CHCHD6: variants seen among roughly 807,000 people sequenced by gnomAD.
The protein encoded by CHCHD6 is coiled-coil-helix-coiled-coil-helix domain containing 6, also known as MICOS complex subunit MIC25.
In CHCHD6, 28 loss-of-function variants were observed where a neutral mutation model predicts 32.3. The ratio of observed to expected loss-of-function variants is 0.87; its 90% CI spans 0.64 to 1.19. The LOEUF (loss-of-function observed/expected upper bound fraction) is 1.19. Ranked by LOEUF, CHCHD6 falls within the 50% of genes most tolerant of loss-of-function variation. The probability of loss-of-function intolerance (pLI) is 0.00; values close to 1 mark genes in which losing one functional copy is unlikely to be tolerated. For synonymous variants in CHCHD6, 122 were observed against 117.5 expected, an observed-to-expected ratio of 1.04 and a Z score of -0.25; for missense variants, 333 against 307.0, an observed-to-expected ratio of 1.08 and a Z score of -0.63.
intron 6 of CHCHD6, among the ~76,000 whole-genome samples, chr3:126,927,814 T>A (rs1055981534): frequency 2.0e-5 from 3 of 152,240 alleles, no homozygotes; most frequent in Non-Finnish European, 2.9e-5. Flanking sequence ...CTTAGCATCA[T>A]TGCTGTTAGA....
intron 1 of CHCHD6, among the ~76,000 whole-genome samples, chr3:126,723,783 A>G (rs931136124): frequency 1.3e-5 from 2 of 151,972 alleles, no homozygotes; most frequent in African/African-American, 4.8e-5. Context: ...CTCTGTGTAC[A>G]TGGGGGAGTA....
intron 5 of CHCHD6, among the ~76,000 whole-genome samples, chr3:126,872,041 G>A (rs1225762398): frequency 6.6e-6 from 1 of 152,112 alleles, no homozygotes; most frequent in Non-Finnish European, 1.5e-5. Flanking sequence ...TCTCTCTTAT[G>A]TCTTCCCCTT....
chr3:126,710,898 T>C (rs889169822), intron 1 of CHCHD6, among the ~76,000 whole-genome samples: 3 of 152,000 alleles, frequency 2.0e-5, no homozygotes, highest in African/African-American at 7.3e-5. Flanking sequence ...TGACTTCTTT[T>C]CCAGTCTGGA....
intron 4 of CHCHD6, among the ~76,000 whole-genome samples, chr3:126,754,759 C>T (rs1243192853): frequency 6.6e-6 from 1 of 152,162 alleles, no homozygotes; most frequent in East Asian, 1.9e-4. Flanking sequence ...TGTTTTTAGT[C>T]CCCATCGAAT....
At chr3:126,870,852 C>T (rs558098558) in intron 5 of CHCHD6, among the ~76,000 whole-genome samples, 2 of 152,340 alleles carry the variant, frequency 1.3e-5, no homozygotes, top group South Asian at 4.1e-4. Context: ...TGCCAGGGAT[C>T]TATGTCCAGT....
At chr3:126,775,873 AG>A (rs1177743499) in intron 4 of CHCHD6, among the ~76,000 whole-genome samples, 1 of 152,242 alleles carries the variant, frequency 6.6e-6, no homozygotes, top group African/African-American at 2.4e-5. Flanking sequence ...CAGAACAAGA[AG>A]GGAGAGGAAG....
chr3:126,898,678 A>G lies in CHCHD6; in HGVS notation c.496-16002A>G, dbSNP rs942144572. Reference sequence around the variant, plus strand: ...CTTAGCCTACTGAGTAGCTGGGATTATAGGCACCCGTCCCCACGCCCAGCT... The same window carrying G: ...CTTAGCCTACTGAGTAGCTGGGATTGTAGGCACCCGTCCCCACGCCCAGCT... On this transcript the variant is annotated intron_variant, in intron 5 of 7. Transcript: ENST00000290913. 3.3e-5 allele frequency among the ~76,000 whole-genome samples: 5 copies of G among 152,098 alleles called. No homozygotes were observed. In the Middle Eastern group the frequency reaches 9.5e-3, roughly 289 times the overall value.
At chr3:126,757,367 A>G (rs1936991966) in intron 4 of CHCHD6, among the ~76,000 whole-genome samples, 1 of 152,218 alleles carries the variant, frequency 6.6e-6, no homozygotes, top group Non-Finnish European at 1.5e-5. Flanking sequence ...GTCTAGGGAA[A>G]AGTCCTTAAC....
At chr3:126,803,636 G>A (rs1405039028) in intron 4 of CHCHD6, among the ~76,000 whole-genome samples, 1 of 152,180 alleles carries the variant, frequency 6.6e-6, no homozygotes, top group Non-Finnish European at 1.5e-5. Flanking sequence ...ACACCCCACT[G>A]TCAACATTAG....
intron 5 of CHCHD6, among the ~76,000 whole-genome samples, chr3:126,876,164 G>A (rs562329275): frequency 1.3e-5 from 2 of 152,332 alleles, no homozygotes; most frequent in Non-Finnish European, 2.9e-5. Context: ...CTCAAGAAAT[G>A]TTCATTATAT....
At chr3:126,894,603 C>T (rs780932596) in intron 5 of CHCHD6, among the ~76,000 whole-genome samples, 8 of 152,248 alleles carry the variant, frequency 5.3e-5, no homozygotes, top group Middle Eastern at 3.4e-3. Context: ...CCCTCAGCAC[C>T]GCCCAGGACA....
chr3:126,747,350 C>T (rs898766440), intron 4 of CHCHD6, among the ~76,000 whole-genome samples: 6 of 152,130 alleles, frequency 3.9e-5, no homozygotes, highest in East Asian at 1.9e-4. Context: ...TCTCCATACA[C>T]GTTCGGTTTT....
chr3:126,923,804 A>C (rs1463727847), intron 6 of CHCHD6, among the ~76,000 whole-genome samples: 1 of 152,242 alleles, frequency 6.6e-6, no homozygotes, highest in Non-Finnish European at 1.5e-5. Flanking sequence ...CACTCGATGC[A>C]TGGTAGGTGT....
chr3:126,786,650 C>G (rs543307605), intron 4 of CHCHD6, among the ~76,000 whole-genome samples: 91 of 152,218 alleles, frequency 6.0e-4, no homozygotes, highest in African/African-American at 2.0e-3. Flanking sequence ...CTGTTCATAT[C>G]CTTCGCCCAC....
intron 4 of CHCHD6, among the ~76,000 whole-genome samples, chr3:126,801,622 C>T (rs1377826619): frequency 1.3e-5 from 2 of 152,238 alleles, no homozygotes; most frequent in Admixed American, 1.3e-4. Context: ...TAGGCTCCAC[C>T]TCTGGGGGCA....
rs2078816551 is a variant in CHCHD6 at position 126,958,356 on chromosome 3, G to T, written c.702+805G>T. Among the ~76,000 whole-genome samples the T allele has an allele frequency of 1.3e-5, 2 of 152,180 alleles. 1 individual carries two copies. Among genetic ancestry groups the T allele is most frequent in the South Asian group, 4.1e-4 (2 of 4,824 alleles). On this transcript the variant is annotated intron_variant, in intron 7 of 7. Coordinates refer to ENST00000290913, the MANE Select transcript of CHCHD6 (RefSeq NM_032343.3). Reference sequence around the variant, plus strand: ...GCTCCCCAAGGAGTGCGGCCTGTTTGTGAAAATGTATGGGAGAAACAACAG... The same window carrying T: ...GCTCCCCAAGGAGTGCGGCCTGTTTTTGAAAATGTATGGGAGAAACAACAG...
At position 126,878,716 on chromosome 3, in the gene CHCHD6, A is replaced by G. The variant is rs189206818; in HGVS notation, c.495+25986A>G. ...TGAATTGGTCTGAAGCTATTGGATG[A>G]AAGATTGTTGGGAAATAGGATAATC... On this transcript the variant is annotated intron_variant, in intron 5 of 7. Coordinates refer to ENST00000290913, the MANE Select transcript of CHCHD6 (RefSeq NM_032343.3). Among the ~76,000 whole-genome samples the G allele has an allele frequency of 1.4e-3, 206 of 152,364 alleles. 1 individual carries two copies. Among genetic ancestry groups the G allele is most frequent in the Non-Finnish European group, 2.5e-3 (167 of 68,038 alleles).
At chr3:126,831,538 G>A (rs770842403) in intron 4 of CHCHD6, among the ~76,000 whole-genome samples, 11 of 152,150 alleles carry the variant, frequency 7.2e-5, no homozygotes, top group Non-Finnish European at 1.5e-4. Flanking sequence ...TACACAGCAG[G>A]GCTCAGCAGA....
intron 4 of CHCHD6, among the ~76,000 whole-genome samples, chr3:126,734,891 A>G (rs1576352741): frequency 6.6e-6 from 1 of 152,206 alleles, no homozygotes; most frequent in Non-Finnish European, 1.5e-5. Flanking sequence ...AGTAGCCCGC[A>G]TCGATCCTGA....
Sources: allele counts gnomAD v4.1 joint callset (sites outside exome capture counted in the v4.1 genomes callset), GRCh38; gene constraint gnomAD v4.1.1; transcripts MANE v1.5; gene names NCBI Gene and HGNC (gene_info 2026-07-23, HGNC 2026-07-21).